The following RCL1 variants were observed in gnomAD, a reference collection of about 807,000 sequenced individuals.
RCL1 encodes RNA 3'-terminal phosphate cyclase-like protein.
RCL1 carries 24 observed loss-of-function variants against 42.4 expected under a neutral mutation model. The observed-to-expected ratio is 0.57, with a 90% CI of 0.41 to 0.80. The LOEUF (loss-of-function observed/expected upper bound fraction) is 0.80. Among genes scored for constraint, RCL1 ranks in the 30% least tolerant of loss-of-function variants. RCL1 has a pLI of 0.00. For missense variants in RCL1, 578 were observed against 467.9 expected (o/e 1.24, Z -2.17); for synonymous variants, 228 against 177.3 (o/e 1.29, Z -2.27).
rs201302544 is a variant in RCL1, at chr9:4,849,558, A to T, written c.971+8A>T. On this transcript the variant is annotated splice_region_variant and intron_variant, in intron 8 of 8. Coordinates refer to ENST00000381750, the MANE Select transcript of RCL1 (RefSeq NM_005772.5). ...CCCTCTCTCTCCCTACACGTAAGTT[A>T]TTCTTTTTCAACCTCGTTATTCTGT... 1.2e-4 allele frequency: 196 copies of T among 1,594,850 alleles called. No individual in the cohort carries two copies. Among genetic ancestry groups the T allele is most frequent in the Non-Finnish European group, 1.6e-4 (190 of 1,162,672 alleles).
chr9:4,844,629 C>G lies in RCL1; in HGVS notation c.815C>G (p.Pro272Arg). 1.2e-6 allele frequency: 2 copies of G among 1,614,012 alleles called. No homozygotes were observed. The highest frequency in any genetic ancestry group is 1.7e-4 in the Middle Eastern group (1 of 6,012). Residue 272 changes from proline (P) to arginine (R), a missense_variant, in exon 7 of 9, where the codon CCA becomes CGA. Physicochemically the swap from Pro to Arg is moderately radical, Grantham distance 103. Coordinates refer to ENST00000381750, the MANE Select transcript of RCL1 (RefSeq NM_005772.5). The part of the protein sequence containing the change: ...NPQGQGAAVL[P>R]EDLGRNCARL... ...CAGGGCCAGGGAGCAGCAGTACTTC[C>G]AGAGGACCTTGGCAGGAACTGTGCC... is the stretch of plus-strand genomic sequence containing the variant.
chr9:4,801,563 C>G (rs7034087), intron 1 of RCL1, among the ~76,000 whole-genome samples: 1 of 151,934 alleles, frequency 6.6e-6, no homozygotes, highest in African/African-American at 2.4e-5. Flanking sequence ...CCACTGTGCA[C>G]CTTGTCTTCT....
At chr9:4,834,367 T>G (rs1241532931) in intron 5 of RCL1, 102 bp downstream of exon 5, 1 of 1,334,616 alleles carries the variant, frequency 7.5e-7, no homozygotes, top group African/African-American at 1.5e-5. Flanking sequence ...TTATTTACAT[T>G]TTAGACTACA....
At chr9:4,825,883 G>C (rs1816743908) in intron 2 of RCL1, among the ~76,000 whole-genome samples, 1 of 151,730 alleles carries the variant, frequency 6.6e-6, no homozygotes, top group African/African-American at 2.4e-5. Context: ...GGGAAGCTGA[G>C]CCTAGGAGTT....
chr9:4,833,004 G>A (rs1229816670), intron 3 of RCL1, 150 bp from the exon 4 acceptor site: 5 of 598,666 alleles, frequency 8.4e-6, no homozygotes, highest in African/African-American at 1.8e-5. Context: ...CTCAGGCAGA[G>A]CCAGCCCACT....
At chr9:4,822,304 C>G (rs1354624819) in intron 1 of RCL1, among the ~76,000 whole-genome samples, 1 of 152,166 alleles carries the variant, frequency 6.6e-6, no homozygotes, top group Admixed American at 6.5e-5. Flanking sequence ...CTAAAAGTGT[C>G]AGGCAGTCAC....
chr9:4,838,140 G>T (rs969956291), intron 5 of RCL1, among the ~76,000 whole-genome samples: 9 of 152,210 alleles, frequency 5.9e-5, no homozygotes, highest in African/African-American at 2.2e-4. Flanking sequence ...TTGACTACTG[G>T]ACTAAGCTTG....
Position 4,793,034 on chromosome 9 carries a change from C to G in RCL1, c.-58C>G, listed in dbSNP as rs905713315. On this transcript the variant is annotated 5_prime_UTR_variant, in exon 1 of 9. Transcript: ENST00000381750. ...CCACCACCATCGGAGTCACGAGTCC[C>G]GCGTCTGTCCGAAGTCGCCGCTCTC... 2.6e-6 allele frequency: 4 copies of G among 1,554,304 alleles called. No homozygotes were observed. Among genetic ancestry groups the G allele is most frequent in the East Asian group, 4.8e-5 (2 of 41,348 alleles).
intron 3 of RCL1, among the ~76,000 whole-genome samples, chr9:4,827,739 T>TGTGCACGC: frequency 8.5e-6 from 1 of 117,136 alleles, no homozygotes; most frequent in Admixed American, 1.0e-4. Flanking sequence ...GAAGTGTGTG[T>TGTGCACGC]GTGTGTGTGT....
At chr9:4,795,628 G>T (rs1017606856) in intron 1 of RCL1, among the ~76,000 whole-genome samples, 1 of 152,110 alleles carries the variant, frequency 6.6e-6, no homozygotes, top group African/African-American at 2.4e-5. Context: ...TCCTAACTCA[G>T]ATTCTCAGAG....
intron 4 of RCL1, among the ~76,000 whole-genome samples, chr9:4,833,597 C>T (rs1373968215): frequency 2.0e-5 from 3 of 152,190 alleles, no homozygotes; most frequent in South Asian, 2.1e-4. Context: ...AATTTATGTT[C>T]AGGGGCTCCC....
chr9:4,843,231 G>A (rs1415387746), intron 6 of RCL1, among the ~76,000 whole-genome samples: 1 of 152,162 alleles, frequency 6.6e-6, no homozygotes, highest in East Asian at 1.9e-4. Flanking sequence ...GAAGTATCCA[G>A]TAAGTCAGGC....
At chr9:4,830,290 G>A (rs537640197) in intron 3 of RCL1, among the ~76,000 whole-genome samples, 1 of 152,198 alleles carries the variant, frequency 6.6e-6, no homozygotes, top group Non-Finnish European at 1.5e-5. Context: ...AAGAGCTGAG[G>A]TTGGGATTTT....
intron 1 of RCL1, among the ~76,000 whole-genome samples, chr9:4,811,341 A>G (rs1034540914): frequency 6.6e-5 from 10 of 151,846 alleles, no homozygotes; most frequent in Admixed American, 4.6e-4. Flanking sequence ...TGGTCACTCT[A>G]TAGTGCTATA....
Position 4,860,140 on chromosome 9 carries a change from G to A in RCL1, c.987G>A (p.Arg329=). The A allele has an allele frequency of 6.3e-7, 1 of 1,581,398 alleles. No homozygotes were observed. The highest frequency in any genetic ancestry group is 8.6e-7 in the Non-Finnish European group (1 of 1,166,840). The part of the protein sequence containing the change: ...PLSPYTIEFL[R]HLKSFFQIMF... Reference sequence around the variant, plus strand: ...TCCTTTTTAGGATAGAATTTTTGCGGCATTTGAAGAGCTTTTTCCAGATTA... The same window carrying A: ...TCCTTTTTAGGATAGAATTTTTGCGACATTTGAAGAGCTTTTTCCAGATTA... The change falls in exon 9 of 9, where the codon CGG becomes CGA. Residue 329 remains arginine, a synonymous_variant. Transcript: ENST00000381750.
chr9:4,793,322 T>A (rs767086444), intron 1 of RCL1, 95 bp downstream of exon 1: 307 of 1,334,340 alleles, frequency 2.3e-4, no homozygotes, highest in Middle Eastern at 1.3e-3. Flanking sequence ...GTTGGGCGGC[T>A]CGGCGTCCGG....
Position 4,860,860 on chromosome 9 carries a change from A to G in RCL1, c.*585A>G, listed in dbSNP as rs1269329411. On this transcript the variant is annotated 3_prime_UTR_variant, in exon 9 of 9. Coordinates refer to ENST00000381750, the MANE Select transcript of RCL1 (RefSeq NM_005772.5). ...ACGGACACGGATCTTCATCTGGTTCATTGTATTTATATGTGAGGGATGGAT... is the reference window on the plus strand; with the variant it reads ...ACGGACACGGATCTTCATCTGGTTCGTTGTATTTATATGTGAGGGATGGAT... The G allele has an allele frequency of 1.3e-5, 2 of 152,208 alleles. No homozygotes were observed. Among genetic ancestry groups the G allele is most frequent in the Non-Finnish European group, 2.9e-5 (2 of 68,088 alleles). 9.4% of individuals were successfully genotyped at this position (152,208 alleles called of 1,614,324 possible). A position where few individuals can be genotyped will look rare whatever the true frequency, so the allele number is the denominator to read the frequency against.
chr9:4,829,634 T>C (rs947569482), intron 3 of RCL1, among the ~76,000 whole-genome samples: 2 of 152,312 alleles, frequency 1.3e-5, no homozygotes, highest in South Asian at 2.1e-4. Flanking sequence ...TAGGCTGAGG[T>C]TGAACACTGG....
At chr9:4,822,899 C>T (rs1207717045) in intron 1 of RCL1, among the ~76,000 whole-genome samples, 5 of 151,990 alleles carry the variant, frequency 3.3e-5, no homozygotes, top group African/African-American at 9.7e-5. Context: ...ATTAACATTT[C>T]GCCTTTTTTC....
Sources: allele counts gnomAD v4.1 joint callset (sites outside exome capture counted in the v4.1 genomes callset), GRCh38; gene constraint gnomAD v4.1.1; transcripts MANE v1.5; gene names NCBI Gene and HGNC (gene_info 2026-07-23, HGNC 2026-07-21).